The following WDR59 variants were observed in gnomAD, a reference collection of about 807,000 sequenced individuals.
The protein encoded by WDR59 is WD repeat domain 59.
In WDR59, 100 loss-of-function variants were observed where a neutral mutation model predicts 131.2. The observed-to-expected ratio is 0.76, with a 90% CI of 0.65 to 0.90. WDR59 has a LOEUF of 0.90. WDR59 is among the 40% of genes least tolerant of loss of function. WDR59 has a pLI of 0.00. For missense variants in WDR59, 1,203 were observed against 1,262.2 expected (o/e 0.95, Z 0.71); for synonymous variants, 601 against 466.2 (o/e 1.29, Z -3.72).
At chr16:74,977,612 C>T (rs1169191922) in intron 1 of WDR59, among the ~76,000 whole-genome samples, 1 of 152,010 alleles carries the variant, frequency 6.6e-6, no homozygotes, top group African/African-American at 2.4e-5. Flanking sequence ...GGCGTGAACC[C>T]GGGAGGCGGA....
intron 8 of WDR59, among the ~76,000 whole-genome samples, chr16:74,933,236 G>T (rs570748618): frequency 2.6e-5 from 4 of 152,184 alleles, no homozygotes; most frequent in Non-Finnish European, 5.9e-5. Flanking sequence ...AGGAGTTCAA[G>T]GCTGCAGTGA....
chr16:74,912,767 T>C (rs918771062), intron 13 of WDR59, among the ~76,000 whole-genome samples: 11 of 152,318 alleles, frequency 7.2e-5, no homozygotes, highest in South Asian at 4.1e-4. Context: ...ATTGTTTCTA[T>C]AGATTATAGA....
chr16:74,927,683 A>AACACACACAC (rs61511176), intron 8 of WDR59, among the ~76,000 whole-genome samples: 3 of 118,248 alleles, frequency 2.5e-5, no homozygotes, highest in South Asian at 2.5e-4. Flanking sequence ...CTCTTTAAAA[A>AACACACACAC]ACACACACAC....
chr16:74,961,830 T>C (rs1425807994), intron 2 of WDR59, among the ~76,000 whole-genome samples: 1 of 152,190 alleles, frequency 6.6e-6, no homozygotes, highest in Non-Finnish European at 1.5e-5. Flanking sequence ...CTTGTTGCAA[T>C]TGCTTTTGGT....
At chr16:74,919,705 C>G (rs1313693848) in intron 10 of WDR59, among the ~76,000 whole-genome samples, 2 of 152,124 alleles carry the variant, frequency 1.3e-5, no homozygotes, top group East Asian at 3.9e-4. Flanking sequence ...TTTTCTCTTA[C>G]TCTACATTTT....
rs747563766 is a variant in WDR59 at position 74,885,745 on chromosome 16, T to G, written c.2597A>C (p.Tyr866Ser). Reference protein sequence around the residue: ...TQQFDDFKKCYGEILYRWGLR... With the variant: ...TQQFDDFKKCSGEILYRWGLR... ...ACCCCAACGGTAGAGGATTTCCCCA[T>G]AGCATTTCTTAAAGTCATCAAATTG... The change falls in exon 25 of 26, where the codon TAT (tyrosine) becomes TCT (serine). Residue 866 changes from tyrosine (Y) to serine (S), a missense_variant. Physicochemically the swap from Tyr to Ser is moderately radical, Grantham distance 144. Coordinates refer to ENST00000262144, the MANE Select transcript of WDR59 (RefSeq NM_030581.4). The G allele has an allele frequency of 1.2e-6, 2 of 1,614,170 alleles. No individual in the cohort carries two copies. Among genetic ancestry groups the G allele is most frequent in the East Asian group, 2.2e-5 (1 of 44,876 alleles).
At chr16:74,958,957 A>C (rs151312165) in intron 2 of WDR59, among the ~76,000 whole-genome samples, 22 of 151,982 alleles carry the variant, frequency 1.4e-4, no homozygotes, top group African/African-American at 4.8e-4. Flanking sequence ...TACTCAGGAG[A>C]CCAAGGCAGG....
Position 74,912,020 on chromosome 16 carries a change from C to T in WDR59, c.1389+178G>A, listed in dbSNP as rs1176526029. ...ACCCAAAAAAGGTTAAGAACCACTG[C>T]TCTGATGTTTTCTGCACAAAGTAAA... is the stretch of plus-strand genomic sequence containing the variant. On this transcript the variant is annotated intron_variant, in intron 14 of 25. Transcript: ENST00000262144. 3 of 784,664 alleles carry T rather than the reference C, an allele frequency of 3.8e-6. No homozygotes were observed. The East Asian group carries it at 8.0e-5, about 21-fold the overall frequency. 48.6% of individuals were successfully genotyped at this position (784,664 alleles called of 1,614,324 possible).
chr16:74,923,733 C>T (rs921882348), intron 9 of WDR59, among the ~76,000 whole-genome samples, 193 bp downstream of exon 9: 8 of 152,054 alleles, frequency 5.3e-5, no homozygotes, highest in South Asian at 2.1e-4. Context: ...TGAGCCACTG[C>T]GCCCGGCCAA....
chr16:74,909,447 C>T (rs1287186871), intron 16 of WDR59, 54 bp downstream of exon 16: 8 of 1,491,972 alleles, frequency 5.4e-6, no homozygotes, highest in Admixed American at 4.8e-5. Context: ...GAATCTATGA[C>T]ATTCTTAGCT....
intron 2 of WDR59, 57 bp from the exon 3 acceptor site, chr16:74,956,667 G>C (rs934816379): frequency 1.8e-4 from 282 of 1,577,820 alleles, no homozygotes; most frequent in Middle Eastern, 1.4e-3. Context: ...TTAGCATTAA[G>C]ATAGAAAAGC....
intron 7 of WDR59, 134 bp from the exon 8 acceptor site, chr16:74,938,400 G>A: frequency 1.9e-6 from 1 of 537,894 alleles, no homozygotes; most frequent in Non-Finnish European, 3.1e-6. Flanking sequence ...CACAGACTTT[G>A]TTTGTTTTGG....
intron 9 of WDR59, among the ~76,000 whole-genome samples, chr16:74,923,117 C>T (rs1439220664): frequency 6.6e-6 from 1 of 152,150 alleles, no homozygotes; most frequent in East Asian, 1.9e-4. Context: ...TTGTGAACTA[C>T]AGAATTGTAT....
At position 74,888,386 on chromosome 16, in the gene WDR59, T is replaced by G. The variant is rs911028518; in HGVS notation, c.2196-67A>C. Reference sequence around the variant, plus strand: ...GGATTGAGGAGGAAAGCGGTCACAGTCATGGCGTGTTACTGCCACAGGGGT... The same window carrying G: ...GGATTGAGGAGGAAAGCGGTCACAGGCATGGCGTGTTACTGCCACAGGGGT... On this transcript the variant is annotated intron_variant, in intron 21 of 25. Transcript: ENST00000262144. 6 of 1,501,282 alleles carry G rather than the reference T, an allele frequency of 4.0e-6. No homozygotes were observed. The African/African-American group carries it at 7.0e-5, about 17-fold the overall frequency. The allele number at this position is 1,501,282 out of a possible 1,614,324, so 93.0% of individuals were successfully genotyped here.
intron 25 of WDR59, among the ~76,000 whole-genome samples, chr16:74,875,585 A>T (rs897425186): frequency 6.6e-6 from 1 of 151,784 alleles, no homozygotes; most frequent in African/African-American, 2.4e-5. Flanking sequence ...CCCAGTGCCC[A>T]CCCGGCCATT....
intron 1 of WDR59, among the ~76,000 whole-genome samples, chr16:74,981,357 CAGAG>C (rs1193465272): frequency 7.0e-6 from 1 of 142,434 alleles, no homozygotes; most frequent in Admixed American, 7.4e-5. Context: ...GCCTGGGCGA[CAGAG>C]AGAGACTCTG....
At chr16:74,900,174 C>G (rs1169798433) in intron 18 of WDR59, among the ~76,000 whole-genome samples, 1 of 152,180 alleles carries the variant, frequency 6.6e-6, no homozygotes, top group Non-Finnish European at 1.5e-5. Flanking sequence ...AGAGCACATA[C>G]TCATTCCTAA....
intron 1 of WDR59, among the ~76,000 whole-genome samples, chr16:74,974,680 C>A (rs1001411992): frequency 7.9e-5 from 12 of 152,264 alleles, no homozygotes; most frequent in African/African-American, 2.4e-4. Context: ...ACGCTGAGTG[C>A]CTACTTTCCT....
chr16:74,941,064 G>A (rs781436990), intron 7 of WDR59, among the ~76,000 whole-genome samples: 1 of 151,812 alleles, frequency 6.6e-6, no homozygotes, highest in Admixed American at 6.6e-5. Context: ...AATAAAGAAG[G>A]CCAGGAGCAG....
Sources: gnomAD v4.1 joint callset for allele counts (sites outside exome capture counted in the v4.1 genomes callset) on GRCh38, gnomAD v4.1.1 for gene constraint, MANE v1.5 for transcripts, NCBI Gene and HGNC (gene_info 2026-07-23, HGNC 2026-07-21) for gene names.